Variants in CACNA2D4 observed in about 807,000 individuals in gnomAD.
CACNA2D4 encodes voltage-dependent calcium channel subunit alpha-2/delta-4.
Under a neutral mutation model 163.8 loss-of-function variants are expected in CACNA2D4, and 157 were observed. The ratio of observed to expected loss-of-function variants is 0.96; its 90% CI spans 0.84 to 1.09. The LOEUF (loss-of-function observed/expected upper bound fraction) is 1.09. Among genes scored for constraint, CACNA2D4 ranks in the 50% least tolerant of loss-of-function variants. CACNA2D4 has a pLI of 0.00. For synonymous variants in CACNA2D4, 598 were observed against 586.9 expected, an observed-to-expected ratio of 1.02 and a Z score of -0.27; for missense variants, 1,410 against 1,479.9, an observed-to-expected ratio of 0.95 and a Z score of 0.78.
At chr12:1,879,777 A>G (rs758222259) in intron 14 of CACNA2D4, 27 bp downstream of exon 14, 16 of 1,560,630 alleles carry the variant, frequency 1.0e-5, no homozygotes, top group Middle Eastern at 1.7e-4. Flanking sequence ...AATCCCTGCT[A>G]CAACGTCTCC....
chr12:1,856,658 A>C (rs563408969), intron 20 of CACNA2D4, among the ~76,000 whole-genome samples: 1 of 152,284 alleles, frequency 6.6e-6, no homozygotes, highest in East Asian at 1.9e-4. Context: ...AAGGGAGGTG[A>C]TACTTTGAAA....
In CACNA2D4 at chr12:1,875,909, T is replaced by C. The variant is rs1411720843; in HGVS notation, c.1720-572A>G. Among the ~76,000 whole-genome samples the C allele has an allele frequency of 1.3e-5, 2 of 152,178 alleles. No individual in the cohort carries two copies. Among genetic ancestry groups the C allele is most frequent in the African/African-American group, 4.8e-5 (2 of 41,446 alleles). ...CCTTCCAAATGGGGTCTGACCAGTG[T>C]GGCGTGGGCTGTGATCTGTGCACTA... On this transcript the variant is annotated intron_variant, in intron 16 of 37. Coordinates refer to ENST00000382722, the MANE Select transcript of CACNA2D4 (RefSeq NM_172364.5). This position sits in a 1 kb window ranked among gnomAD's most constrained non-coding sequence, Gnocchi z 4.0.
chr12:1,842,539 C>T (rs899071229), intron 25 of CACNA2D4, among the ~76,000 whole-genome samples: 3 of 152,204 alleles, frequency 2.0e-5, no homozygotes, highest in Non-Finnish European at 2.9e-5. Flanking sequence ...AAGTGGGCCC[C>T]GCCTCCCTCC....
At chr12:1,879,359 G>A (rs1865944858) in intron 14 of CACNA2D4, among the ~76,000 whole-genome samples, 1 of 152,128 alleles carries the variant, frequency 6.6e-6, no homozygotes, top group South Asian at 2.1e-4. Context: ...ATAACTCACG[G>A]GGGCTCTGAA....
At position 1,858,577 on chromosome 12, in the gene CACNA2D4, C is replaced by G; in HGVS notation, c.2008G>C (p.Gly670Arg). 6.2e-7 allele frequency: 1 copy of G among 1,613,618 alleles called. No homozygotes were observed. Among genetic ancestry groups the G allele is most frequent in the Non-Finnish European group, 8.5e-7 (1 of 1,179,690 alleles). The change falls in exon 20 of 38, where the codon GGC (glycine) becomes CGC (arginine). Residue 670 changes from glycine (G) to arginine (R), a missense_variant and splice_region_variant. Coordinates refer to ENST00000382722, the MANE Select transcript of CACNA2D4 (RefSeq NM_172364.5). The stretch of plus-strand genomic sequence containing the variant: ...CCCTCAGCCCCTGGTACCGACCCAC[C>G]TTCTTCCACAGACGTGTTCCCCAGA... Reference protein sequence around the residue: ...ILLGNTSVEEGLHDLLHPDLA... With the variant: ...ILLGNTSVEERLHDLLHPDLA...
Position 1,797,425 on chromosome 12 carries a change from A to G in CACNA2D4, c.3106T>C (p.Cys1036Arg). 1 of 1,544,838 alleles carries G rather than the reference A, an allele frequency of 6.5e-7. No homozygotes were observed. Among genetic ancestry groups the G allele is most frequent in the Non-Finnish European group, 8.7e-7 (1 of 1,149,424 alleles). Residue 1036 changes from cysteine to arginine, a missense_variant, in exon 35 of 38, where the codon TGC becomes CGC. Transcript: ENST00000382722. ...GCCGCCCTGCGGTCTTACTTCTGGC[A>G]GGGCCCGCACTCCACGATCCCGTTG... Reference protein sequence around the residue: ...EANGIVECGPCQKVFVVQQIP... With the variant: ...EANGIVECGPRQKVFVVQQIP...
intron 23 of CACNA2D4, among the ~76,000 whole-genome samples, chr12:1,852,135 T>C (rs1865296650): frequency 6.6e-6 from 1 of 152,350 alleles, no homozygotes; most frequent in Middle Eastern, 3.4e-3. Context: ...TTAATTCTTC[T>C]GGGGTTTCCA....
rs757891848 is a variant in CACNA2D4, at chr12:1,907,525, A to G, written c.696T>C (p.Ala232=). 7 of 1,613,620 alleles carry G rather than the reference A, an allele frequency of 4.3e-6. No individual in the cohort carries two copies. Among genetic ancestry groups the G allele is most frequent in the Non-Finnish European group, 4.2e-6 (5 of 1,179,540 alleles). ...NGVYMSEALN[A]VFVENFQRDP... ...CTCTCTGGAAGTTCTCCACGAAGAC[A>G]GCATTCAAGGCTTCAGACATGTAGA... The change falls in exon 6 of 38, where the codon GCT becomes GCC. Residue 232 remains alanine, a synonymous_variant. Transcript: ENST00000382722.
intron 26 of CACNA2D4, among the ~76,000 whole-genome samples, chr12:1,821,353 A>T (rs1864092235): frequency 6.6e-6 from 1 of 152,216 alleles, no homozygotes; most frequent in African/African-American, 2.4e-5. Flanking sequence ...GCTTGCCTGC[A>T]GGTGGCTGTC....
At chr12:1,912,295 G>A (rs1376490087) in intron 3 of CACNA2D4, among the ~76,000 whole-genome samples, 1 of 152,216 alleles carries the variant, frequency 6.6e-6, no homozygotes, top group African/African-American at 2.4e-5. Context: ...TGGATGGAGT[G>A]GAGGACTGTG....
At chr12:1,850,996 G>C (rs537682885) in intron 23 of CACNA2D4, among the ~76,000 whole-genome samples, 137 of 152,276 alleles carry the variant, frequency 9.0e-4, no homozygotes, top group South Asian at 5.8e-3. Context: ...GATCCTCCCT[G>C]AGCAGCTGAG....
intron 22 of CACNA2D4, 84 bp downstream of exon 22, chr12:1,855,928 C>T (rs766203882): frequency 2.9e-6 from 3 of 1,019,172 alleles, no homozygotes; most frequent in Non-Finnish European, 4.6e-6. Flanking sequence ...GCAGCCTCCC[C>T]CTGCCTTCCC....
intron 23 of CACNA2D4, among the ~76,000 whole-genome samples, chr12:1,848,211 T>C (rs1326701527): frequency 6.6e-6 from 1 of 152,276 alleles, no homozygotes; most frequent in Non-Finnish European, 1.5e-5. Flanking sequence ...TTTGGCCTCC[T>C]TTAACCTGAT....
intron 6 of CACNA2D4, among the ~76,000 whole-genome samples, chr12:1,901,625 A>G (rs915479939): frequency 7.2e-5 from 11 of 152,108 alleles, no homozygotes; most frequent in African/African-American, 1.9e-4. Context: ...CATACAACCT[A>G]CTAAGATTGA....
chr12:1,797,773 G>GT, intron 34 of CACNA2D4: 1 of 577,534 alleles, frequency 1.7e-6, no homozygotes, highest in South Asian at 2.0e-5. Flanking sequence ...GAGCCTCGGT[G>GT]GAGGGAAAGC....
At chr12:1,907,300 T>A (rs1866682412) in intron 6 of CACNA2D4, 140 bp downstream of exon 6, 9 of 683,686 alleles carry the variant, frequency 1.3e-5, no homozygotes, top group Non-Finnish European at 9.7e-6. Context: ...AGGGCTAAAG[T>A]GTGGGCTTGG....
chr12:1,822,766 G>C (rs147993216), intron 26 of CACNA2D4, among the ~76,000 whole-genome samples: 31 of 152,340 alleles, frequency 2.0e-4, no homozygotes, highest in Admixed American at 3.9e-4. Flanking sequence ...GGGGGTGATG[G>C]GCAGCTGTCC....
chr12:1,904,485 A>C (rs1309061874), intron 6 of CACNA2D4, among the ~76,000 whole-genome samples: 2 of 152,036 alleles, frequency 1.3e-5, no homozygotes, highest in African/African-American at 4.8e-5. Flanking sequence ...ATACCCCATA[A>C]ATATATATAC....
chr12:1,906,517 T>C (rs1227072747), intron 6 of CACNA2D4, among the ~76,000 whole-genome samples: 1 of 152,226 alleles, frequency 6.6e-6, no homozygotes, highest in East Asian at 1.9e-4. Context: ...GGCCTCTCTC[T>C]ACTGACTGAT....
Sources: allele counts gnomAD v4.1 joint callset (sites outside exome capture counted in the v4.1 genomes callset), GRCh38; gene constraint gnomAD v4.1.1; non-coding constraint Gnocchi (gnomAD v3.1); transcripts MANE v1.5; gene names NCBI Gene and HGNC (gene_info 2026-07-23, HGNC 2026-07-21).